Variants in CCL28 observed in about 807,000 individuals in gnomAD.
The protein encoded by CCL28 is C-C motif chemokine 28.
A neutral mutation model predicts 7.1 loss-of-function variants in CCL28; 4 were observed. That is an observed-to-expected ratio of 0.56 (90% confidence interval 0.28 to 1.29). The LOEUF (loss-of-function observed/expected upper bound fraction) is 1.29. Ranked by LOEUF, CCL28 falls within the 50% of genes most tolerant of loss-of-function variation. CCL28 has a pLI of 0.11. For synonymous variants in CCL28, 55 were observed against 57.8 expected (o/e 0.95, Z 0.22); for missense variants, 151 against 163.4 (o/e 0.92, Z 0.41).
the CCL28 span, among the ~76,000 whole-genome samples, chr5:43,367,166 G>A: frequency 6.6e-6 from 1 of 152,204 alleles, no homozygotes; most frequent in African/African-American, 2.4e-5. Flanking sequence ...TAGCTTGCTG[G>A]GCTCTGTGGG....
intron 1 of CCL28, among the ~76,000 whole-genome samples, chr5:43,411,275 T>TA (rs1741527453): frequency 6.6e-6 from 1 of 152,212 alleles, no homozygotes. Context: ...GGATAAAGCT[T>TA]AAAGAAAAGA....
chr5:43,401,707 C>T (rs1438539279), intron 1 of CCL28, among the ~76,000 whole-genome samples: 3 of 152,054 alleles, frequency 2.0e-5, no homozygotes, highest in Non-Finnish European at 4.4e-5. Flanking sequence ...CAGTACAGTC[C>T]CTGGCTCATA....
the CCL28 span, among the ~76,000 whole-genome samples, chr5:43,365,995 T>C: frequency 5.9e-5 from 9 of 152,260 alleles, no homozygotes; most frequent in African/African-American, 2.2e-4. Flanking sequence ...GTTCTTGTGC[T>C]GTGTTTTTCA....
intron 1 of CCL28, among the ~76,000 whole-genome samples, chr5:43,407,395 G>A (rs950632158): frequency 2.0e-5 from 3 of 152,206 alleles, no homozygotes; most frequent in Admixed American, 2.0e-4. Flanking sequence ...AATGGGGAAA[G>A]GATTCCCTAT....
the CCL28 span, among the ~76,000 whole-genome samples, chr5:43,363,258 T>C: frequency 6.6e-6 from 1 of 152,210 alleles, no homozygotes; most frequent in Non-Finnish European, 1.5e-5. Flanking sequence ...CTGAATTCTT[T>C]AGCATCTTTT....
chr5:43,383,593 A>T (rs1561155517), intron 2 of CCL28, among the ~76,000 whole-genome samples: 1 of 152,194 alleles, frequency 6.6e-6, no homozygotes, highest in Non-Finnish European at 1.5e-5. Flanking sequence ...AAAAAAAAAC[A>T]AACAGCCTAA....
chr5:43,388,097 A>G (rs1409995218), intron 2 of CCL28: 12 of 347,048 alleles, frequency 3.5e-5, no homozygotes, highest in Admixed American at 9.1e-5. Flanking sequence ...GGGGGAATTT[A>G]GTCCTAACCA....
chr5:43,407,481 C>G (rs978368956), intron 1 of CCL28, among the ~76,000 whole-genome samples: 32 of 152,260 alleles, frequency 2.1e-4, no homozygotes, highest in African/African-American at 3.4e-4. Context: ...ACACCTTATA[C>G]AAAAATTAAT....
At chr5:43,398,991 T>G (rs1423070533) in intron 1 of CCL28, among the ~76,000 whole-genome samples, 2 of 152,214 alleles carry the variant, frequency 1.3e-5, no homozygotes, top group Non-Finnish European at 2.9e-5. Context: ...ATTTTTACTA[T>G]GTCAGTAACT....
At chr5:43,396,314 C>T (rs549490087) in intron 1 of CCL28, among the ~76,000 whole-genome samples, 5 of 152,240 alleles carry the variant, frequency 3.3e-5, no homozygotes, top group African/African-American at 1.2e-4. Context: ...AGGATTTAGC[C>T]GGCTTCTTCA....
intron 1 of CCL28, among the ~76,000 whole-genome samples, chr5:43,392,240 C>T (rs560251506): frequency 6.6e-6 from 1 of 152,268 alleles, no homozygotes; most frequent in Non-Finnish European, 1.5e-5. Flanking sequence ...CCTCAGCTGC[C>T]CATGTAGCTG....
downstream of CCL28, among the ~76,000 whole-genome samples, chr5:43,372,381 T>A (rs1739801037): frequency 6.6e-6 from 1 of 152,220 alleles, no homozygotes; most frequent in African/African-American, 2.4e-5. Context: ...GTTTGTTTGT[T>A]TGCTTGAGAC....
At chr5:43,400,995 A>C (rs150495405) in intron 1 of CCL28, among the ~76,000 whole-genome samples, 52 of 152,104 alleles carry the variant, frequency 3.4e-4, no homozygotes, top group African/African-American at 1.1e-3. Flanking sequence ...AGACAGGAGA[A>C]TCACTTGAAC....
intron 1 of CCL28, among the ~76,000 whole-genome samples, chr5:43,407,036 G>T (rs1741310804): frequency 6.6e-6 from 1 of 152,202 alleles, no homozygotes; most frequent in South Asian, 2.1e-4. Context: ...TGGATATGAA[G>T]AATCAATATC....
At chr5:43,410,788 A>T (rs1741506554) in intron 1 of CCL28, among the ~76,000 whole-genome samples, 1 of 152,232 alleles carries the variant, frequency 6.6e-6, no homozygotes, top group Admixed American at 6.5e-5. Context: ...GTGAAGCCTT[A>T]GCAGGTAGGC....
At chr5:43,377,564 C>A, downstream of CCL28, 1 of 145,382 alleles carries the variant, frequency 6.9e-6, no homozygotes, top group Non-Finnish European at 1.5e-5. Flanking sequence ...AAATGGAAGA[C>A]AAGTATATTA....
intron 2 of CCL28, among the ~76,000 whole-genome samples, chr5:43,387,293 G>A (rs1032347465): frequency 1.3e-5 from 2 of 152,320 alleles, no homozygotes; most frequent in African/African-American, 2.4e-5. Flanking sequence ...CAAGTGAACC[G>A]TGTAACCTGA....
Position 43,396,757 on chromosome 5 carries a change from A to AAAAG in CCL28, c.65-8285_65-8282dup, listed in dbSNP as rs201326504. Among the ~76,000 whole-genome samples, 205 of 152,248 alleles carry AAAAG rather than the reference A, an allele frequency of 1.3e-3. No individual in the cohort carries two copies. The South Asian group carries it at 0.016, about 12-fold the overall frequency. On this transcript the variant is annotated intron_variant, in intron 1 of 2. Transcript: ENST00000361115. ...ATCAGAGGAAACAAAGCACGAGAAAAAAAGAAAGAAAGAAAGAAAGAACGA... is the reference window on the plus strand; with the variant it reads ...ATCAGAGGAAACAAAGCACGAGAAAAAAAGAAAGAAAGAAAGAAAGAAAGAACGA...
the CCL28 span, among the ~76,000 whole-genome samples, chr5:43,364,016 C>A: frequency 1.3e-5 from 2 of 152,188 alleles, no homozygotes. Flanking sequence ...GAAACAATAA[C>A]CTGCCATCAG....
Sources: gnomAD v4.1 joint callset for allele counts (sites outside exome capture counted in the v4.1 genomes callset) on GRCh38, gnomAD v4.1.1 for gene constraint, MANE v1.5 for transcripts, NCBI Gene and HGNC (gene_info 2026-07-23, HGNC 2026-07-21) for gene names.